Variants in ANK3 observed in about 807,000 individuals in gnomAD.
ANK3 encodes ankyrin 3.
In ANK3, 57 loss-of-function variants were observed where a neutral mutation model predicts 370.9. That is an observed-to-expected ratio of 0.15 (90% confidence interval 0.12 to 0.19). The LOEUF (loss-of-function observed/expected upper bound fraction) is 0.19, where lower values mean the gene tolerates loss of function less well. ANK3 is among the 10% of genes least tolerant of loss of function. The pLI is 1.00. For synonymous variants in ANK3, 1,929 were observed against 1,946.3 expected, an observed-to-expected ratio of 0.99 and a Z score of 0.23; for missense variants, 4,439 against 5,302.1, an observed-to-expected ratio of 0.84 and a Z score of 5.06.
At chr10:60,529,828 A>G (rs1387956726) in intron 2 of ANK3, among the ~76,000 whole-genome samples, 2 of 152,192 alleles carry the variant, frequency 1.3e-5, no homozygotes, top group East Asian at 1.9e-4. Context: ...TATAAGATAC[A>G]TGATAGACAT....
chr10:60,517,349 C>T (rs564979731), intron 2 of ANK3, among the ~76,000 whole-genome samples: 1 of 152,062 alleles, frequency 6.6e-6, no homozygotes, highest in African/African-American at 2.4e-5. Context: ...AGGTGTGAAC[C>T]ACTGTGCCCA....
At chr10:60,169,775 C>G (rs1051717189) in intron 21 of ANK3, among the ~76,000 whole-genome samples, 1 of 152,134 alleles carries the variant, frequency 6.6e-6, no homozygotes, top group Non-Finnish European at 1.5e-5. Flanking sequence ...ACAGTTTGCA[C>G]TATACTTCAA....
intron 1 of ANK3, among the ~76,000 whole-genome samples, chr10:60,368,054 G>A (rs999791197): frequency 3.3e-5 from 5 of 151,984 alleles, no homozygotes; most frequent in African/African-American, 1.2e-4. Flanking sequence ...TATACTCCAC[G>A]TGTTGCAATA....
intron 2 of ANK3, among the ~76,000 whole-genome samples, chr10:60,474,333 A>C (rs2075000448): frequency 6.6e-6 from 1 of 152,156 alleles, no homozygotes; most frequent in Non-Finnish European, 1.5e-5. Flanking sequence ...GCACAGGCAA[A>C]CTTAGAGATC....
chr10:60,483,903 G>A (rs141296847), intron 2 of ANK3, among the ~76,000 whole-genome samples: 7 of 152,282 alleles, frequency 4.6e-5, no homozygotes, highest in African/African-American at 1.4e-4. Context: ...GAACAATGTC[G>A]AGGTACTGTC....
At chr10:60,646,166 GA>G (rs1047626637) in intron 1 of ANK3, among the ~76,000 whole-genome samples, 1 of 149,956 alleles carries the variant, frequency 6.7e-6, no homozygotes, top group Non-Finnish European at 1.5e-5. Flanking sequence ...TGAAAAAAAA[GA>G]AAAAAAAAGC....
At chr10:60,565,846 A>C (rs944498018) in intron 2 of ANK3, among the ~76,000 whole-genome samples, 2 of 152,198 alleles carry the variant, frequency 1.3e-5, no homozygotes, top group Non-Finnish European at 2.9e-5. Context: ...ATAAAGCCTG[A>C]ATTCAGCTTT....
chr10:60,395,550 CTCTTTCTT>C (rs58204421), intron 2 of ANK3, among the ~76,000 whole-genome samples: 5,151 of 108,344 alleles, frequency 0.048, 165 homozygotes, highest in Non-Finnish European at 0.057. Context: ...ACTACTATGC[CTCTTTCTT>C]TCTTTCTTTC....
chr10:60,414,865 G>C (rs1479425123), intron 2 of ANK3, among the ~76,000 whole-genome samples: 1 of 152,200 alleles, frequency 6.6e-6, no homozygotes, highest in Non-Finnish European at 1.5e-5. Flanking sequence ...GACTGTATTA[G>C]AAAGGCTGAG....
At chr10:60,077,850 A>C (rs2084189440) in intron 36 of ANK3, among the ~76,000 whole-genome samples, 1 of 152,180 alleles carries the variant, frequency 6.6e-6, no homozygotes, top group African/African-American at 2.4e-5. Context: ...GATATCACAA[A>C]CACTGAAGCA....
intron 36 of ANK3, among the ~76,000 whole-genome samples, chr10:60,080,168 T>C (rs1589692840): frequency 2.0e-5 from 3 of 152,304 alleles, no homozygotes; most frequent in Admixed American, 2.0e-4. Context: ...AACTTTATCA[T>C]TTTTCTACCA....
chr10:60,048,904 C>T (rs368040238), intron 42 of ANK3, among the ~76,000 whole-genome samples: 2 of 152,078 alleles, frequency 1.3e-5, no homozygotes, highest in Non-Finnish European at 2.9e-5. Context: ...TCTCAATGAC[C>T]CATTTAGGTA....
chr10:60,062,410 A>G (rs1267498253), intron 40 of ANK3: 2 of 152,232 alleles, frequency 1.3e-5, no homozygotes, highest in African/African-American at 4.8e-5. Context: ...AATGAGGAAA[A>G]AATGACAAGA....
At chr10:60,304,965 C>A (rs1016549168) in intron 1 of ANK3, among the ~76,000 whole-genome samples, 17 of 152,186 alleles carry the variant, frequency 1.1e-4, no homozygotes, top group African/African-American at 4.1e-4. Context: ...AATTGACATA[C>A]AGTGAGGTGG....
At chr10:60,495,467 T>C (rs2075630188) in intron 2 of ANK3, among the ~76,000 whole-genome samples, 1 of 152,160 alleles carries the variant, frequency 6.6e-6, no homozygotes. Flanking sequence ...GTATCCTCCA[T>C]TTGACCTCTG....
Position 60,234,726 on chromosome 10 carries a change from A to G in ANK3, c.859T>C (p.Leu287=), listed in dbSNP as rs531065302. The G allele has an allele frequency of 1.2e-6, 2 of 1,613,744 alleles. No homozygotes were observed. The highest frequency in any genetic ancestry group is 1.3e-5 in the African/African-American group (1 of 75,054). ...KRGNANMVKL[L]LDRGAKIDAK... ...TCGATTTTAGCTCCTCGATCGAGCA[A>G]TAGTTTTACCATATTTGCATTTCCT... The change falls in exon 8 of 44, where the codon TTG becomes CTG. Residue 287 remains leucine, a synonymous_variant. Transcript: ENST00000280772.
intron 1 of ANK3, among the ~76,000 whole-genome samples, chr10:60,683,248 A>G (rs76803657): frequency 6.6e-6 from 1 of 152,254 alleles, no homozygotes; most frequent in Admixed American, 6.5e-5. Flanking sequence ...TAGTAAGATT[A>G]TTAACATAAA....
chr10:60,484,740 T>TCCAGCAA (rs2075306671), intron 2 of ANK3, among the ~76,000 whole-genome samples: 1 of 152,232 alleles, frequency 6.6e-6, no homozygotes, highest in Non-Finnish European at 1.5e-5. Context: ...AACTTCCACC[T>TCCAGCAA]ATCACACATT....
At chr10:60,489,882 T>G (rs2075448976) in intron 2 of ANK3, among the ~76,000 whole-genome samples, 1 of 152,192 alleles carries the variant, frequency 6.6e-6, no homozygotes, top group Admixed American at 6.5e-5. Context: ...GAAGCTATGC[T>G]CATATGTACT....
Sources: gnomAD v4.1 joint callset for allele counts (sites outside exome capture counted in the v4.1 genomes callset) on GRCh38, gnomAD v4.1.1 for gene constraint, MANE v1.5 for transcripts, NCBI Gene and HGNC (gene_info 2026-07-23, HGNC 2026-07-21) for gene names.